BPTF: variants seen among roughly 807,000 people sequenced by gnomAD.
BPTF encodes bromodomain PHD finger transcription factor, also known as nucleosome-remodeling factor subunit BPTF.
In BPTF, 18 loss-of-function variants were observed where a neutral mutation model predicts 292.5. The observed-to-expected ratio is 0.06, with a 90% CI of 0.04 to 0.09. BPTF has a LOEUF of 0.09. Ranked by LOEUF, BPTF falls within the 10% of genes least tolerant of loss-of-function variation. The pLI is 1.00. For synonymous variants in BPTF, 1,225 were observed against 1,251.9 expected (o/e 0.98, Z 0.45); for missense variants, 2,726 against 3,498.7 (o/e 0.78, Z 5.57).
intron 4 of BPTF, 40 bp downstream of exon 4, chr17:67,875,060 T>A (rs2059972244): frequency 2.0e-6 from 3 of 1,526,398 alleles, no homozygotes; most frequent in Non-Finnish European, 2.7e-6. Context: ...ATTTCATTAG[T>A]GTTATTTATG....
At chr17:67,881,902 T>C (rs1030481454) in intron 4 of BPTF, among the ~76,000 whole-genome samples, 3 of 138,814 alleles carry the variant, frequency 2.2e-5, no homozygotes, top group African/African-American at 8.1e-5. Flanking sequence ...GGTCTTGCTC[T>C]GTCACCCAGG....
intron 1 of BPTF, among the ~76,000 whole-genome samples, chr17:67,838,359 A>C (rs760426701): frequency 6.6e-6 from 1 of 152,172 alleles, no homozygotes; most frequent in Non-Finnish European, 1.5e-5. Flanking sequence ...AAAACCTTTA[A>C]ATTTTATTTT....
At chr17:67,886,378 TG>T in intron 4 of BPTF, 22 of 1,137,666 alleles carry the variant, frequency 1.9e-5, no homozygotes, top group South Asian at 5.2e-5. Context: ...CTTTTTTTTG[TG>T]TGTGTGTGTG....
chr17:67,953,797 C>G (rs557347047), intron 23 of BPTF, among the ~76,000 whole-genome samples: 6 of 146,848 alleles, frequency 4.1e-5, no homozygotes, highest in African/African-American at 1.5e-4. Context: ...CCAGGCTTGT[C>G]TCGAACTCCT....
At chr17:67,959,996 G>A in intron 24 of BPTF, 121 bp downstream of exon 24, 2 of 795,652 alleles carry the variant, frequency 2.5e-6, no homozygotes, top group East Asian at 2.8e-5. Context: ...TAAGAGTAAT[G>A]TTTCATCCAT....
At chr17:67,939,816 G>T (rs902321057) in intron 18 of BPTF, among the ~76,000 whole-genome samples, 2 of 152,166 alleles carry the variant, frequency 1.3e-5, no homozygotes, top group African/African-American at 4.8e-5. Context: ...GGAGGCAGAG[G>T]TTGCAGTGAG....
intron 11 of BPTF, 42 bp from the exon 12 acceptor site, chr17:67,918,672 A>G: frequency 6.4e-7 from 1 of 1,573,240 alleles, no homozygotes; most frequent in Non-Finnish European, 8.7e-7. Flanking sequence ...GTGTATGTAT[A>G]TACATATAGA....
intron 2 of BPTF, among the ~76,000 whole-genome samples, chr17:67,861,024 A>G (rs2059044236): frequency 6.6e-6 from 1 of 152,182 alleles, no homozygotes; most frequent in Non-Finnish European, 1.5e-5. Context: ...TATGTCCAGC[A>G]GACTCCTGGA....
intron 7 of BPTF, among the ~76,000 whole-genome samples, chr17:67,899,872 A>G (rs2061706914): frequency 6.6e-6 from 1 of 152,150 alleles, no homozygotes; most frequent in African/African-American, 2.4e-5. Context: ...TTTGGGATGC[A>G]CACACATAGG....
rs2065737712 is a variant in BPTF at position 67,945,491 on chromosome 17, A to T, written c.6783A>T (p.Ser2261=). Reference sequence around the variant, plus strand: ...AAACCCTGCCACCAGCTCAGTCATCAAGTGTGGGTCCAGCAGAAGCCCAGC... The same window carrying T: ...AAACCCTGCCACCAGCTCAGTCATCTAGTGTGGGTCCAGCAGAAGCCCAGC... ...QDKTLPPAQS[S]SVGPAEAQPQ... is the part of the protein sequence containing the mutation. The change falls in exon 21 of 28, where the codon TCA becomes TCT. Residue 2261 remains serine (S), a synonymous_variant. Transcript: ENST00000306378. The T allele has an allele frequency of 1.9e-6, 3 of 1,613,988 alleles. No homozygotes were observed. Among genetic ancestry groups the T allele is most frequent in the Non-Finnish European group, 2.5e-6 (3 of 1,180,026 alleles).
At chr17:67,850,294 C>A (rs1392361516) in intron 1 of BPTF, among the ~76,000 whole-genome samples, 1 of 152,190 alleles carries the variant, frequency 6.6e-6, no homozygotes, top group African/African-American at 2.4e-5. Context: ...ATGTATTCAT[C>A]CGTAAGTAGT....
chr17:67,947,448 TTA>T (rs2147979090), intron 21 of BPTF, among the ~76,000 whole-genome samples: 1 of 152,330 alleles, frequency 6.6e-6, no homozygotes, highest in East Asian at 1.9e-4. Context: ...GTTAATTTCT[TTA>T]TGTCTCAGTA....
chr17:67,971,767 G>A (rs1555691078), intron 26 of BPTF, among the ~76,000 whole-genome samples: 1 of 149,108 alleles, frequency 6.7e-6, no homozygotes, highest in East Asian at 2.0e-4. Context: ...TCGTTGCGTT[G>A]CAGTGATCTG....
chr17:67,829,479 C>G (rs532315670), intron 1 of BPTF, among the ~76,000 whole-genome samples: 1 of 151,374 alleles, frequency 6.6e-6, no homozygotes, highest in Non-Finnish European at 1.5e-5. Context: ...CCCCCCACCC[C>G]CCGGATGTGA....
intron 4 of BPTF, among the ~76,000 whole-genome samples, chr17:67,890,926 A>C (rs1327151786): frequency 6.6e-6 from 1 of 152,200 alleles, no homozygotes; most frequent in African/African-American, 2.4e-5. Flanking sequence ...TTATTCAACT[A>C]TCTGGTCAAT....
chr17:67,859,113 A>G (rs1283670030), intron 2 of BPTF, among the ~76,000 whole-genome samples: 1 of 152,108 alleles, frequency 6.6e-6, no homozygotes, highest in East Asian at 1.9e-4. Flanking sequence ...CCAATAATGT[A>G]GGTACTATAT....
In BPTF at chr17:67,959,669, T is replaced by TCCACCC; in HGVS notation, c.8055_8056insCCACCC (p.Pro2684_Pro2685dup). The TCCACCC allele has an allele frequency of 8.5e-7, 1 of 1,179,948 alleles. No homozygotes were observed. Among genetic ancestry groups the TCCACCC allele is most frequent in the South Asian group, 1.5e-5 (1 of 68,306 alleles). 73.1% of individuals were successfully genotyped at this position (1,179,948 alleles called of 1,614,324 possible). On this transcript the variant is annotated inframe_insertion, in exon 24 of 28. Transcript: ENST00000306378. Reference sequence around the variant, plus strand: ...CTCCAGCCCCTCCAGCCCCTCCACCTTCACCTCCCCCTCCACCTGCTGTGC... The same window carrying TCCACCC: ...CTCCAGCCCCTCCAGCCCCTCCACCTCCACCCTCACCTCCCCCTCCACCTGCTGTGC...
At chr17:67,960,662 A>G (rs2067391734) in intron 24 of BPTF, among the ~76,000 whole-genome samples, 1 of 152,336 alleles carries the variant, frequency 6.6e-6, no homozygotes, top group South Asian at 2.1e-4. Flanking sequence ...TAACCACCAT[A>G]CTTTTTACAG....
chr17:67,875,659 C>T (rs767496985), intron 4 of BPTF: 1 of 1,607,988 alleles, frequency 6.2e-7, no homozygotes, highest in South Asian at 1.1e-5. Flanking sequence ...AAGGGAGGAG[C>T]CCTGTGGGGT....
Sources: gnomAD v4.1 joint callset for allele counts (sites outside exome capture counted in the v4.1 genomes callset) on GRCh38, gnomAD v4.1.1 for gene constraint, MANE v1.5 for transcripts, NCBI Gene and HGNC (gene_info 2026-07-23, HGNC 2026-07-21) for gene names.